DDX6: variants seen among roughly 807,000 people sequenced by gnomAD.
The protein encoded by DDX6 is DEAD-box helicase 6, also known as probable ATP-dependent RNA helicase DDX6.
In DDX6, 7 loss-of-function variants were observed where a neutral mutation model predicts 60.6. The observed-to-expected ratio is 0.12, with a 90% CI of 0.07 to 0.22. DDX6 has a LOEUF of 0.22. Ranked by LOEUF, DDX6 falls within the 10% of genes least tolerant of loss-of-function variation. The pLI is 1.00. For missense variants in DDX6, 270 were observed against 589.9 expected, an observed-to-expected ratio of 0.46 and a Z score of 5.62; for synonymous variants, 207 against 201.0, an observed-to-expected ratio of 1.03 and a Z score of -0.25.
intron 4 of DDX6, among the ~76,000 whole-genome samples, chr11:118,773,874 A>C (rs934829087): frequency 3.3e-5 from 5 of 150,996 alleles, no homozygotes; most frequent in African/African-American, 4.9e-5. Flanking sequence ...AAAAAAAAAA[A>C]CAAAACAAAC....
intron 12 of DDX6, 61 bp from the exon 13 acceptor site, chr11:118,754,948 C>A: frequency 6.9e-7 from 1 of 1,443,088 alleles, no homozygotes; most frequent in South Asian, 1.4e-5. Flanking sequence ...GTGAATTGTG[C>A]AAGTCAAGCA....
At chr11:118,773,604 T>G (rs1341533546) in intron 4 of DDX6, among the ~76,000 whole-genome samples, 5 of 150,878 alleles carry the variant, frequency 3.3e-5, no homozygotes, top group Admixed American at 3.3e-4. Flanking sequence ...AAAAACAACC[T>G]ATGGTTACTC....
chr11:118,749,855 C>T lies in DDX6; in HGVS notation c.*2250G>A, dbSNP rs919584379. 2 of 152,486 alleles carry T rather than the reference C, an allele frequency of 1.3e-5. No homozygotes were observed. The highest frequency in any genetic ancestry group is 1.9e-4 in the East Asian group (1 of 5,190). The allele number at this position is 152,486 out of a possible 1,614,324, so 9.4% of individuals were successfully genotyped here. ...CTTAATTAGGTTTTCTATTTAGTAA[C>T]CAACATTGACTGGACAGAAAATATG... On this transcript the variant is annotated 3_prime_UTR_variant, in exon 14 of 14. Transcript: ENST00000534980.
Position 118,754,495 on chromosome 11 carries a change from C to T in DDX6, c.*7+210G>A, listed in dbSNP as rs191402845. ...AAGTACTGCTAATCTACCACATTAC[C>T]CGGGAAGCTGCATTCAAGAACAACA... On this transcript the variant is annotated intron_variant, in intron 13 of 13. Transcript: ENST00000534980. The T allele has an allele frequency of 5.0e-5, 23 of 461,610 alleles. No homozygotes were observed. The East Asian group carries it at 7.5e-4, about 15-fold the overall frequency. The allele number at this position is 461,610 out of a possible 1,614,324, so 28.6% of individuals were successfully genotyped here.
At chr11:118,762,332 CAT>C (rs1861203980) in intron 7 of DDX6, among the ~76,000 whole-genome samples, 1 of 77,230 alleles carries the variant, frequency 1.3e-5, no homozygotes. Flanking sequence ...AAAATAACCT[CAT>C]GTCAAAACAT....
chr11:118,779,360 T>C (rs1282925074), intron 4 of DDX6, among the ~76,000 whole-genome samples: 3 of 152,116 alleles, frequency 2.0e-5, no homozygotes, highest in African/African-American at 7.2e-5. Flanking sequence ...CATTAATAAT[T>C]AGAATGACAG....
At chr11:118,781,063 C>T in intron 3 of DDX6, 58 bp downstream of exon 3, 1 of 1,190,720 alleles carries the variant, frequency 8.4e-7, no homozygotes, top group Non-Finnish European at 1.2e-6. Flanking sequence ...CGAGGGACAG[C>T]TATACCTCAC....
chr11:118,770,932 G>A (rs1017674507), intron 4 of DDX6, among the ~76,000 whole-genome samples: 2 of 151,526 alleles, frequency 1.3e-5, no homozygotes, highest in South Asian at 4.2e-4. Flanking sequence ...CTGTTGTCTT[G>A]TTCTTACAGC....
chr11:118,756,978 G>C (rs1156486036), intron 10 of DDX6, among the ~76,000 whole-genome samples, 193 bp downstream of exon 10: 1 of 152,090 alleles, frequency 6.6e-6, no homozygotes, highest in Non-Finnish European at 1.5e-5. Flanking sequence ...TAACAACCTT[G>C]TAAGTTATGA....
At chr11:118,764,730 G>C (rs1320533464) in intron 6 of DDX6, among the ~76,000 whole-genome samples, 4 of 151,524 alleles carry the variant, frequency 2.6e-5, no homozygotes, top group African/African-American at 9.7e-5. Context: ...CCTGAACCTG[G>C]GAGGCGGAGA....
chr11:118,748,885 A>G lies in DDX6; in HGVS notation c.*3220T>C, dbSNP rs1860652376. 6.6e-6 allele frequency: 1 copy of G among 152,218 alleles called. No homozygotes were observed. Among genetic ancestry groups the G allele is most frequent in the African/African-American group, 2.4e-5 (1 of 41,444 alleles). 9.4% of individuals were successfully genotyped at this position (152,218 alleles called of 1,614,324 possible). A position where few individuals can be genotyped will look rare whatever the true frequency, so the allele number is the denominator to read the frequency against. ...CAAGCACAAAGCACGTGGCAAAGGA[A>G]AGATGCTCCCATCTCATTCTGAAAA... On this transcript the variant is annotated 3_prime_UTR_variant, in exon 14 of 14. Transcript: ENST00000534980.
intron 1 of DDX6, chr11:118,787,229 T>C (rs769846546): frequency 6.6e-6 from 1 of 152,282 alleles, no homozygotes; most frequent in African/African-American, 2.4e-5. Context: ...CCCAGCACTT[T>C]AGGAGGCCGA....
At chr11:118,765,900 A>C (rs978131815) in intron 5 of DDX6, among the ~76,000 whole-genome samples, 9 of 151,812 alleles carry the variant, frequency 5.9e-5, no homozygotes, top group African/African-American at 2.2e-4. Context: ...GCCTGACCCT[A>C]TCTCTACTAA....
intron 4 of DDX6, among the ~76,000 whole-genome samples, chr11:118,776,190 C>T (rs1353141587): frequency 2.0e-5 from 3 of 152,124 alleles, no homozygotes; most frequent in Non-Finnish European, 2.9e-5. Context: ...AACTAATTTC[C>T]TTTTTTGAAA....
chr11:118,777,749 T>C (rs1218166378), intron 4 of DDX6, among the ~76,000 whole-genome samples: 5 of 151,778 alleles, frequency 3.3e-5, no homozygotes, highest in Non-Finnish European at 7.4e-5. Context: ...ATTAGTTAGG[T>C]GTGGTAGCAC....
intron 1 of DDX6, chr11:118,788,615 C>T (rs1389881008): frequency 1.3e-5 from 2 of 152,124 alleles, no homozygotes; most frequent in African/African-American, 4.8e-5. Context: ...CCAGGCTGGT[C>T]TTGAACAACT....
At chr11:118,766,206 C>T (rs1243070301) in intron 5 of DDX6, among the ~76,000 whole-genome samples, 3 of 151,766 alleles carry the variant, frequency 2.0e-5, no homozygotes, top group East Asian at 1.9e-4. Flanking sequence ...GCAGGAGGAT[C>T]GTTTGAGCTC....
chr11:118,752,819 T>C (rs1168430913), intron 13 of DDX6, among the ~76,000 whole-genome samples: 7 of 152,110 alleles, frequency 4.6e-5, no homozygotes, highest in African/African-American at 1.7e-4. Context: ...CAGGGCGTGG[T>C]GGCTCACACC....
chr11:118,785,933 T>C (rs1862059149), intron 2 of DDX6, 119 bp downstream of exon 2: 3 of 887,108 alleles, frequency 3.4e-6, no homozygotes, highest in Non-Finnish European at 5.0e-6. Flanking sequence ...CAAAGTCATC[T>C]GTCCTCTATT....
Sources: allele counts gnomAD v4.1 joint callset (sites outside exome capture counted in the v4.1 genomes callset), GRCh38; gene constraint gnomAD v4.1.1; transcripts MANE v1.5; gene names NCBI Gene and HGNC (gene_info 2026-07-23, HGNC 2026-07-21).